IFT74: variants seen among roughly 807,000 people sequenced by gnomAD.
The protein encoded by IFT74 is intraflagellar transport protein 74 homolog.
Under a neutral mutation model 96.7 loss-of-function variants are expected in IFT74, and 92 were observed. That is an observed-to-expected ratio of 0.95 (90% CI 0.80 to 1.13). The LOEUF is 1.13. IFT74 is among the 50% of genes most tolerant of loss of function. The probability of loss-of-function intolerance (pLI) is 0.00; values close to 1 mark genes in which losing one functional copy is unlikely to be tolerated. For missense variants in IFT74, 811 were observed against 698.2 expected (o/e 1.16, Z -1.82); for synonymous variants, 223 against 213.2 (o/e 1.05, Z -0.40).
At chr9:26,982,420 G>T (rs2131535451) in intron 4 of IFT74, 2 of 415,370 alleles carry the variant, frequency 4.8e-6, no homozygotes, top group African/African-American at 4.3e-5. Context: ...GGGATTACGG[G>T]TGCCTGCCAC....
chr9:26,999,769 T>G (rs1828375994), intron 8 of IFT74: 2 of 879,406 alleles, frequency 2.3e-6, no homozygotes, highest in Non-Finnish European at 3.3e-6. Context: ...ATCTGTTTAT[T>G]CTTTTTTTTT....
At chr9:26,991,457 C>T (rs549970085) in intron 8 of IFT74, among the ~76,000 whole-genome samples, 26 of 152,210 alleles carry the variant, frequency 1.7e-4, no homozygotes, top group African/African-American at 6.0e-4. Context: ...TGGTCTCAAG[C>T]AGTCCTCCTA....
chr9:26,995,353 AC>A, intron 8 of IFT74: 1 of 544,232 alleles, frequency 1.8e-6, no homozygotes, highest in Middle Eastern at 5.0e-4. Flanking sequence ...CTGTATTTGA[AC>A]CTGCTTGCTC....
At chr9:26,993,442 G>T (rs1173434403) in intron 8 of IFT74, 1 of 152,388 alleles carries the variant, frequency 6.6e-6, no homozygotes, top group Non-Finnish European at 1.5e-5. Flanking sequence ...TTGAAAACAT[G>T]TGTCTGTAAA....
At chr9:26,978,392 A>G in intron 3 of IFT74, 129 bp downstream of exon 3, 1 of 841,128 alleles carries the variant, frequency 1.2e-6, no homozygotes, top group Non-Finnish European at 1.8e-6. Context: ...ATTTTTTTAA[A>G]TCAGGATTAT....
intron 2 of IFT74, among the ~76,000 whole-genome samples, chr9:26,975,073 C>T (rs1282192376): frequency 6.8e-6 from 1 of 147,606 alleles, no homozygotes; most frequent in African/African-American, 2.5e-5. Context: ...TTCCCAAAGT[C>T]AGGGTTATAA....
At chr9:27,034,763 C>G (rs555692822) in intron 13 of IFT74, among the ~76,000 whole-genome samples, 2 of 152,332 alleles carry the variant, frequency 1.3e-5, no homozygotes, top group South Asian at 4.1e-4. Context: ...CTCCTGACCT[C>G]AGGTGATCTG....
At chr9:27,032,152 A>G (rs1830154305) in intron 13 of IFT74, among the ~76,000 whole-genome samples, 1 of 152,228 alleles carries the variant, frequency 6.6e-6, no homozygotes, top group African/African-American at 2.4e-5. Context: ...AGCCTTTTGA[A>G]ATCAGGGTAG....
chr9:27,008,027 A>T (rs1015745201), intron 8 of IFT74, among the ~76,000 whole-genome samples: 2 of 152,192 alleles, frequency 1.3e-5, no homozygotes, highest in African/African-American at 4.8e-5. Flanking sequence ...CTTCTAATTA[A>T]TTTCACTATT....
rs1008804458 is a variant in IFT74, at chr9:26,984,242, T to G, written c.306-15T>G. 1 of 1,544,914 alleles carries G rather than the reference T, an allele frequency of 6.5e-7. No individual in the cohort carries two copies. The highest frequency in any genetic ancestry group is 8.7e-7 in the Non-Finnish European group (1 of 1,143,416). On this transcript the variant is annotated splice_polypyrimidine_tract_variant and intron_variant, in intron 4 of 19. Coordinates refer to ENST00000380062, the MANE Select transcript of IFT74 (RefSeq NM_025103.4). Reference sequence around the variant, plus strand: ...ATTAAAAGTATTGCTGACATTCTTATTTCTTTTCTAATAGAAGTAAAATAA... The same window carrying G: ...ATTAAAAGTATTGCTGACATTCTTAGTTCTTTTCTAATAGAAGTAAAATAA...
rs761435200 is a variant in IFT74, at chr9:27,048,209, A to T, written c.1268A>T (p.Asp423Val). Residue 423 changes from aspartate (D) to valine (V), a missense_variant, in exon 16 of 20, where the codon GAT (aspartate) becomes GTT (valine). By Grantham distance (152) the Asp-to-Val change is radical. Transcript: ENST00000380062. ...ITNQELKMMQ[D>V]DLNFKSTEVQ... is the part of the protein sequence containing the mutation. ...AATCAAGAGCTAAAGATGATGCAGG[A>T]TGACCTCAATTTTAAATCTACTGAA... 73 of 1,605,588 alleles carry T rather than the reference A, an allele frequency of 4.5e-5. No homozygotes were observed. The highest frequency in any genetic ancestry group is 5.4e-5 in the Non-Finnish European group (63 of 1,173,284).
At chr9:26,966,122 A>C (rs923200977) in intron 2 of IFT74, among the ~76,000 whole-genome samples, 23 of 151,458 alleles carry the variant, frequency 1.5e-4, no homozygotes, top group African/African-American at 4.9e-4. Flanking sequence ...TATATTCGCT[A>C]TTGTGGCAAG....
In IFT74 at chr9:27,063,712, A is replaced by G. The variant is rs1820523409; in HGVS notation, c.*976A>G. Among the ~76,000 whole-genome samples the G allele has an allele frequency of 6.6e-6, 1 of 152,134 alleles. No homozygotes were observed. The highest frequency in any genetic ancestry group is 1.5e-5 in the Non-Finnish European group (1 of 67,978). On this transcript the variant is annotated 3_prime_UTR_variant, in exon 20 of 20. Transcript: ENST00000380062. ...CAACACATTGATTTCTTAAACCAAA[A>G]TAGCTTTATTGAGATATTATTTACA...
At chr9:26,988,213 A>G (rs772764518) in intron 6 of IFT74, among the ~76,000 whole-genome samples, 61 of 152,098 alleles carry the variant, frequency 4.0e-4, no homozygotes, top group Non-Finnish European at 1.9e-4. Flanking sequence ...CAGCCTCCCA[A>G]AGTGCTGGGA....
chr9:27,056,157 C>T (rs938731724), intron 17 of IFT74, among the ~76,000 whole-genome samples, 177 bp from the exon 18 acceptor site: 1 of 151,954 alleles, frequency 6.6e-6, no homozygotes, highest in Non-Finnish European at 1.5e-5. Context: ...GTTATTAATA[C>T]AGATAATGTT....
intron 8 of IFT74, chr9:26,997,989 T>C (rs139115593): frequency 1.2e-6 from 2 of 1,613,846 alleles, no homozygotes; most frequent in Non-Finnish European, 1.7e-6. Flanking sequence ...CCCTGTTGAA[T>C]TACATAGATG....
chr9:27,025,443 C>CAAAAAAAAAAA (rs57335230), intron 12 of IFT74, among the ~76,000 whole-genome samples: 37 of 77,592 alleles, frequency 4.8e-4, no homozygotes, highest in South Asian at 1.1e-3. Flanking sequence ...ACTCCATCTC[C>CAAAAAAAAAAA]AAAAAAAAAA....
chr9:27,013,004 A>G (rs1294427674), intron 10 of IFT74, among the ~76,000 whole-genome samples: 2 of 152,166 alleles, frequency 1.3e-5, no homozygotes, highest in Admixed American at 1.3e-4. Flanking sequence ...GGCGTGAGCC[A>G]CTGCGCCCAG....
rs1179000269 is a variant in IFT74 at position 26,999,770 on chromosome 9, CTTTTTTTTT to C, written c.588-9237_588-9229del. On this transcript the variant is annotated intron_variant, in intron 8 of 19. Coordinates refer to ENST00000380062, the MANE Select transcript of IFT74 (RefSeq NM_025103.4). ...TTTCCCTCTTTTGAATCTGTTTATTCTTTTTTTTTTTTTTTTTTTTTGGCTGAGACAGGG... is the reference window on the plus strand; with the variant it reads ...TTTCCCTCTTTTGAATCTGTTTATTCTTTTTTTTTTTTGGCTGAGACAGGG... 76 of 340,160 alleles carry C rather than the reference CTTTTTTTTT, an allele frequency of 2.2e-4. No homozygotes were observed. In the Middle Eastern group the frequency reaches 7.2e-3, roughly 32 times the overall value. 21.1% of individuals were successfully genotyped at this position (340,160 alleles called of 1,614,324 possible). A position where few individuals can be genotyped will look rare whatever the true frequency, so the allele number is the denominator to read the frequency against.
Sources: gnomAD v4.1 joint callset for allele counts (sites outside exome capture counted in the v4.1 genomes callset) on GRCh38, gnomAD v4.1.1 for gene constraint, MANE v1.5 for transcripts, NCBI Gene and HGNC (gene_info 2026-07-23, HGNC 2026-07-21) for gene names.